The following CUX2 variants were observed in gnomAD, a reference collection of about 807,000 sequenced individuals.
CUX2 encodes the protein homeobox protein cut-like 2.
CUX2 carries 40 observed loss-of-function variants against 144.8 expected under a neutral mutation model. The ratio of observed to expected loss-of-function variants is 0.28; its 90% confidence interval spans 0.21 to 0.36. The LOEUF (loss-of-function observed/expected upper bound fraction) is 0.36. CUX2 is among the 10% of genes least tolerant of loss of function. The pLI, the probability that CUX2 is intolerant of heterozygous loss-of-function variation, is 1.00. For synonymous variants in CUX2, 827 were observed against 875.6 expected, an observed-to-expected ratio of 0.94 and a Z score of 0.98; for missense variants, 1,615 against 1,994.0, an observed-to-expected ratio of 0.81 and a Z score of 3.62.
chr12:111,286,376 A>G (rs769914799), intron 4 of CUX2, among the ~76,000 whole-genome samples: 5 of 152,192 alleles, frequency 3.3e-5, no homozygotes, highest in African/African-American at 4.8e-5. Flanking sequence ...TTGCAGTAAG[A>G]GCTGACACCC....
At chr12:111,337,528 G>T (rs949322431) in intron 19 of CUX2, among the ~76,000 whole-genome samples, 1 of 152,158 alleles carries the variant, frequency 6.6e-6, no homozygotes, top group African/African-American at 2.4e-5. Flanking sequence ...CCACTTTCCT[G>T]CTGCCTCTAA....
rs1191647616 is a variant in CUX2 at position 111,320,271 on chromosome 12, C to T, written c.2262C>T (p.Pro754=). The T allele has an allele frequency of 3.8e-6, 6 of 1,593,572 alleles. No homozygotes were observed. The East Asian group carries it at 6.7e-5, about 18-fold the overall frequency. ...LVKQEEGSGG[P]AQAPLPVLSP... is the part of the protein sequence containing the mutation. ...AGCAGGAGGAGGGCAGCGGGGGCCC[C>T]GCGCAGGCGCCGCTCCCGGTCCTGT... The change falls in exon 17 of 22, where the codon CCC becomes CCT. Residue 754 remains proline (P), a synonymous_variant. Coordinates refer to ENST00000261726, the MANE Select transcript of CUX2 (RefSeq NM_015267.4). This position sits in a 1 kb window ranked among gnomAD's most constrained non-coding sequence, Gnocchi z 8.1.
At chr12:111,198,027 C>T (rs549734786) in intron 1 of CUX2, among the ~76,000 whole-genome samples, 8 of 152,264 alleles carry the variant, frequency 5.3e-5, no homozygotes, top group African/African-American at 1.9e-4. Flanking sequence ...CCTTCCCCAC[C>T]CTGGACCCTA....
At chr12:111,141,675 C>T (rs992180934) in intron 1 of CUX2, among the ~76,000 whole-genome samples, 2 of 152,200 alleles carry the variant, frequency 1.3e-5, no homozygotes, top group Non-Finnish European at 2.9e-5. Flanking sequence ...AGCCTAGATG[C>T]TCTTGAGCTC....
intron 1 of CUX2, among the ~76,000 whole-genome samples, chr12:111,118,527 G>A (rs1566233338): frequency 6.6e-6 from 1 of 152,076 alleles, no homozygotes; most frequent in Non-Finnish European, 1.5e-5. Flanking sequence ...CCATTTACCA[G>A]CATACCACTG....
chr12:111,334,736 G>C (rs1191019551), intron 19 of CUX2, 26 bp downstream of exon 19: 1 of 1,563,692 alleles, frequency 6.4e-7, no homozygotes, highest in Non-Finnish European at 8.7e-7. Context: ...GAATCGGAGA[G>C]GCTGCCTCCC....
At position 111,336,195 on chromosome 12, in the gene CUX2, T is replaced by C. The variant is rs927542086; in HGVS notation, c.3196+1485T>C. ...CCTCTTGGGCCACAGTGGAAAAATC[T>C]CTTCTAGGGCTCTTTCCCTTTTTGG... On this transcript the variant is annotated intron_variant, in intron 19 of 21. Coordinates refer to ENST00000261726, the MANE Select transcript of CUX2 (RefSeq NM_015267.4). Among the ~76,000 whole-genome samples the C allele has an allele frequency of 2.0e-5, 3 of 152,064 alleles. 1 individual carries two copies. Among genetic ancestry groups the C allele is most frequent in the South Asian group, 4.1e-4 (2 of 4,826 alleles).
chr12:111,246,178 C>T lies in CUX2; in HGVS notation c.223-17583C>T, dbSNP rs930878360. Among the ~76,000 whole-genome samples, 1 of 152,144 alleles carries T rather than the reference C, an allele frequency of 6.6e-6. No individual in the cohort carries two copies. The highest frequency in any genetic ancestry group is 1.9e-4 in the East Asian group (1 of 5,184). On this transcript the variant is annotated intron_variant, in intron 3 of 21. Transcript: ENST00000261726. This position sits in a 1 kb window ranked among gnomAD's most constrained non-coding sequence, Gnocchi z 4.0. ...TCATCTGGAAAGTAGAAATGATAAC[C>T]GCACCTGCCACTGGTGTGACACAGA...
chr12:111,159,505 G>T (rs1428738125), intron 1 of CUX2, among the ~76,000 whole-genome samples: 1 of 151,630 alleles, frequency 6.6e-6, no homozygotes, highest in Non-Finnish European at 1.5e-5. Flanking sequence ...ACCAGTTTGA[G>T]AACATTTTTG....
intron 1 of CUX2, among the ~76,000 whole-genome samples, chr12:111,041,922 G>A (rs1869764714): frequency 1.3e-5 from 2 of 152,206 alleles, no homozygotes; most frequent in Admixed American, 6.5e-5. Context: ...TTCAGAGCCT[G>A]CTGTCTCTGC....
chr12:111,302,295 C>A (rs1419200722), intron 9 of CUX2, among the ~76,000 whole-genome samples: 1 of 152,058 alleles, frequency 6.6e-6, no homozygotes, highest in Non-Finnish European at 1.5e-5. Flanking sequence ...AAGTAATATA[C>A]CCTCATGATG....
At chr12:111,213,522 C>G (rs762744687) in intron 1 of CUX2, among the ~76,000 whole-genome samples, 26 of 152,182 alleles carry the variant, frequency 1.7e-4, no homozygotes, top group Non-Finnish European at 4.4e-5. Context: ...AAAGCACCTT[C>G]CAATCCATTT....
intron 1 of CUX2, among the ~76,000 whole-genome samples, chr12:111,188,548 A>G (rs1879690925): frequency 6.6e-6 from 1 of 152,148 alleles, no homozygotes; most frequent in Non-Finnish European, 1.5e-5. Flanking sequence ...CTAGGGAGAA[A>G]GAGGTCCAGG....
chr12:111,214,188 T>TA lies in CUX2; in HGVS notation c.64-12_64-11insA. The TA allele has an allele frequency of 2.1e-6, 3 of 1,436,010 alleles. No individual in the cohort carries two copies. Among genetic ancestry groups the TA allele is most frequent in the Non-Finnish European group, 1.9e-6 (2 of 1,064,910 alleles). The allele number at this position is 1,436,010 out of a possible 1,614,324, so 89.0% of individuals were successfully genotyped here. On this transcript the variant is annotated splice_polypyrimidine_tract_variant and intron_variant, in intron 1 of 21. Transcript: ENST00000261726. ...CTCTCTCTCTCTTTTTTTTTTTTTTTTATTGTTCCAGAAGGAGCTTAATTC... is the reference window on the plus strand; with the variant it reads ...CTCTCTCTCTCTTTTTTTTTTTTTTTATATTGTTCCAGAAGGAGCTTAATTC...
chr12:111,044,242 A>G (rs781641464), intron 1 of CUX2, among the ~76,000 whole-genome samples: 1 of 152,178 alleles, frequency 6.6e-6, no homozygotes, highest in Non-Finnish European at 1.5e-5. Context: ...CTCAGGGTGT[A>G]GGAGACGCTC....
intron 1 of CUX2, among the ~76,000 whole-genome samples, chr12:111,065,556 G>C (rs1406022851): frequency 1.3e-5 from 2 of 152,174 alleles, no homozygotes; most frequent in Non-Finnish European, 2.9e-5. Context: ...GGCTGGTCTC[G>C]AACTCCTGAC....
chr12:111,114,862 G>A (rs1376668062), intron 1 of CUX2, among the ~76,000 whole-genome samples: 1 of 152,210 alleles, frequency 6.6e-6, no homozygotes, highest in South Asian at 2.1e-4. Context: ...GGGTTTGAGG[G>A]TCATTTTCTT....
intron 1 of CUX2, among the ~76,000 whole-genome samples, chr12:111,040,443 AAC>A (rs1869686455): frequency 6.6e-6 from 1 of 151,922 alleles, no homozygotes; most frequent in Admixed American, 6.6e-5. Context: ...TTGTCCCACA[AAC>A]ACATCAAGCA....
intron 21 of CUX2, among the ~76,000 whole-genome samples, chr12:111,344,499 T>G (rs1430287069): frequency 6.6e-6 from 1 of 152,198 alleles, no homozygotes; most frequent in Non-Finnish European, 1.5e-5. Context: ...GGGTTATAAT[T>G]ACAGAAGAAC....
Sources: gnomAD v4.1 joint callset for allele counts (sites outside exome capture counted in the v4.1 genomes callset) on GRCh38, gnomAD v4.1.1 for gene constraint, Gnocchi (gnomAD v3.1) non-coding constraint, MANE v1.5 for transcripts, NCBI Gene and HGNC (gene_info 2026-07-23, HGNC 2026-07-21) for gene names.